Variants in GRID2 observed in about 807,000 individuals in gnomAD.
GRID2 encodes the protein glutamate receptor ionotropic, delta-2.
A neutral mutation model predicts 114.8 loss-of-function variants in GRID2; 33 were observed. That is an observed-to-expected ratio of 0.29 (90% confidence interval 0.22 to 0.38). The LOEUF is 0.38. GRID2 is among the 10% of genes least tolerant of loss of function. The pLI, the probability that GRID2 is intolerant of heterozygous loss-of-function variation, is 1.00. For synonymous variants in GRID2, 505 were observed against 449.9 expected (o/e 1.12, Z -1.55); for missense variants, 1,184 against 1,257.7 (o/e 0.94, Z 0.89).
At chr4:93,729,519 A>G (rs1218291228) in intron 14 of GRID2, among the ~76,000 whole-genome samples, 2 of 151,208 alleles carry the variant, frequency 1.3e-5, no homozygotes, top group East Asian at 2.0e-4. Flanking sequence ...CTCTGCTAAT[A>G]CCACTTCCTC....
At chr4:92,820,475 C>G (rs555016292) in intron 2 of GRID2, among the ~76,000 whole-genome samples, 1 of 152,148 alleles carries the variant, frequency 6.6e-6, no homozygotes, top group Admixed American at 6.5e-5. Flanking sequence ...CAGAATGACT[C>G]AAAACACTGT....
Position 93,675,139 on chromosome 4 carries a change from G to A in GRID2, c.2360+48704G>A, listed in dbSNP as rs550453187. On this transcript the variant is annotated intron_variant, in intron 14 of 15. Transcript: ENST00000282020. ...CTCCTTAAAACATCTCACAAATAAC[G>A]TGAACCTGTCATATATTGCGTGTGT... Among the ~76,000 whole-genome samples the A allele has an allele frequency of 1.1e-4, 16 of 152,050 alleles. No individual in the cohort carries two copies. In the East Asian group the frequency reaches 1.5e-3, roughly 15 times the overall value.
Position 93,303,097 on chromosome 4 carries a change from CAG to C in GRID2, c.1245+64608_1245+64609del, listed in dbSNP as rs774209101. Among the ~76,000 whole-genome samples the C allele has an allele frequency of 1.2e-4, 18 of 152,172 alleles. 1 individual carries two copies. In the South Asian group the frequency reaches 2.7e-3, roughly 23 times the overall value. On this transcript the variant is annotated intron_variant, in intron 8 of 15. Coordinates refer to ENST00000282020, the MANE Select transcript of GRID2 (RefSeq NM_001510.4). ...TGACCAGAGAAGGAGGAAGAGGAAA[CAG>C]GGGGAGGTGTTACACACTTTTAAAC... is the stretch of plus-strand genomic sequence containing the variant.
At chr4:93,502,064 A>C (rs541796473) in intron 12 of GRID2, among the ~76,000 whole-genome samples, 1 of 152,208 alleles carries the variant, frequency 6.6e-6, no homozygotes, top group East Asian at 1.9e-4. Context: ...GTCATTGTGG[A>C]GGACATAGTT....
intron 1 of GRID2, among the ~76,000 whole-genome samples, chr4:92,577,022 C>G (rs534847463): frequency 6.6e-6 from 1 of 152,150 alleles, no homozygotes; most frequent in Non-Finnish European, 1.5e-5. Flanking sequence ...CCATTTTCTA[C>G]ATATTTAATT....
intron 2 of GRID2, among the ~76,000 whole-genome samples, chr4:93,011,550 C>A (rs1226796596): frequency 1.3e-5 from 2 of 152,008 alleles, no homozygotes; most frequent in African/African-American, 2.4e-5. Flanking sequence ...ATCTCATTAG[C>A]ATATGAAAAT....
chr4:93,417,051 A>C (rs779744376), intron 9 of GRID2, among the ~76,000 whole-genome samples: 1 of 152,084 alleles, frequency 6.6e-6, no homozygotes, highest in Non-Finnish European at 1.5e-5. Flanking sequence ...ATTTAGACTC[A>C]AGTCCTATTA....
At chr4:92,404,903 A>G (rs1482892125) in intron 1 of GRID2, among the ~76,000 whole-genome samples, 1 of 152,158 alleles carries the variant, frequency 6.6e-6, no homozygotes, top group African/African-American at 2.4e-5. Context: ...GGAGAGCATC[A>G]GGATAAATAG....
chr4:92,522,237 A>G lies in GRID2; in HGVS notation c.89-67894A>G, dbSNP rs562288701. ...GGAAAGAGATAGAACACATATTCTA[A>G]GGTTAAATTGTGCCTTGCAATGTCA... On this transcript the variant is annotated intron_variant, in intron 1 of 15. Transcript: ENST00000282020. Among the ~76,000 whole-genome samples, 7 of 152,080 alleles carry G rather than the reference A, an allele frequency of 4.6e-5. No individual in the cohort carries two copies. The East Asian group carries it at 1.4e-3, about 30-fold the overall frequency.
At chr4:93,452,428 A>G (rs958169653) in intron 10 of GRID2, among the ~76,000 whole-genome samples, 1 of 152,182 alleles carries the variant, frequency 6.6e-6, no homozygotes, top group South Asian at 2.1e-4. Flanking sequence ...ACCAGAGAGT[A>G]GAGGGAAGGG....
chr4:92,834,995 C>T (rs1203544873), intron 2 of GRID2, among the ~76,000 whole-genome samples: 1 of 152,042 alleles, frequency 6.6e-6, no homozygotes, highest in Non-Finnish European at 1.5e-5. Context: ...GGTTGAATAC[C>T]TACATAGTAT....
chr4:92,912,066 TATC>T (rs1004648562), intron 2 of GRID2, among the ~76,000 whole-genome samples: 3 of 151,954 alleles, frequency 2.0e-5, no homozygotes, highest in East Asian at 1.9e-4. Flanking sequence ...ATTTTTATGT[TATC>T]ATGTCTGTCA....
intron 4 of GRID2, among the ~76,000 whole-genome samples, chr4:93,170,936 C>T (rs1216849072): frequency 6.6e-6 from 1 of 151,698 alleles, no homozygotes; most frequent in Non-Finnish European, 1.5e-5. Context: ...ATAATGTCTG[C>T]TCGGTACTTC....
chr4:92,562,696 C>T (rs1579586110), intron 1 of GRID2, among the ~76,000 whole-genome samples: 1 of 152,100 alleles, frequency 6.6e-6, no homozygotes, highest in South Asian at 2.1e-4. Context: ...AGAACCTGGG[C>T]TTTGGAGTCC....
chr4:93,530,945 C>T (rs1175224506), intron 13 of GRID2, among the ~76,000 whole-genome samples: 1 of 152,120 alleles, frequency 6.6e-6, no homozygotes, highest in South Asian at 2.1e-4. Context: ...AACTTATTCA[C>T]TATCTTTAAA....
chr4:92,917,079 A>C (rs1273591732), intron 2 of GRID2, among the ~76,000 whole-genome samples: 5 of 152,012 alleles, frequency 3.3e-5, no homozygotes, highest in Admixed American at 2.6e-4. Context: ...ATGGTATCTC[A>C]TTGTGGTTTT....
chr4:93,506,957 G>A (rs1425920338), intron 12 of GRID2, among the ~76,000 whole-genome samples: 1 of 152,124 alleles, frequency 6.6e-6, no homozygotes, highest in South Asian at 2.1e-4. Context: ...GGTTCCTCCT[G>A]AATTACCCCA....
Position 92,356,490 on chromosome 4 carries a change from G to C in GRID2, c.88+51746G>C, listed in dbSNP as rs189444769. On this transcript the variant is annotated intron_variant, in intron 1 of 15. Transcript: ENST00000282020. ...TGCCCACTGATTTATGAGATTCTCA[G>C]CCATAAAAAATTTATATGCATATTA... Among the ~76,000 whole-genome samples the C allele has an allele frequency of 2.2e-4, 33 of 151,180 alleles. No homozygotes were observed. The Admixed American group carries it at 2.2e-3, about 10-fold the overall frequency.
chr4:93,480,509 T>G (rs773602682), intron 11 of GRID2, among the ~76,000 whole-genome samples: 29 of 152,054 alleles, frequency 1.9e-4, no homozygotes, highest in Non-Finnish European at 3.8e-4. Context: ...TTATGTAAAT[T>G]ATGTAAATAG....
Sources: allele counts gnomAD v4.1 joint callset (sites outside exome capture counted in the v4.1 genomes callset), GRCh38; gene constraint gnomAD v4.1.1; transcripts MANE v1.5; gene names NCBI Gene and HGNC (gene_info 2026-07-23, HGNC 2026-07-21).